The following PITPNM2 variants were observed in gnomAD, a reference collection of about 807,000 sequenced individuals.
PITPNM2 encodes the protein membrane-associated phosphatidylinositol transfer protein 2.
In PITPNM2, 35 loss-of-function variants were observed where a neutral mutation model predicts 132.2. The observed-to-expected ratio is 0.26, with a 90% CI of 0.20 to 0.35. The LOEUF (loss-of-function observed/expected upper bound fraction) is 0.35, where lower values mean the gene tolerates loss of function less well. Among genes scored for constraint, PITPNM2 ranks in the 10% least tolerant of loss-of-function variants. PITPNM2 has a pLI of 1.00. For missense variants in PITPNM2, 1,332 were observed against 1,912.0 expected (o/e 0.70, Z 5.66); for synonymous variants, 738 against 799.2 (o/e 0.92, Z 1.29).
At chr12:123,129,469 C>T (rs2043216212) in intron 1 of PITPNM2, among the ~76,000 whole-genome samples, 3 of 151,622 alleles carry the variant, frequency 2.0e-5, no homozygotes, top group African/African-American at 7.3e-5. Flanking sequence ...ACTCAGGAGG[C>T]TGAGGCAGAA....
intron 2 of PITPNM2, among the ~76,000 whole-genome samples, chr12:123,051,141 C>T (rs2040842929): frequency 6.6e-6 from 1 of 152,210 alleles, no homozygotes; most frequent in South Asian, 2.1e-4. Flanking sequence ...TTGTCCTAGG[C>T]CTCTCAGTTC....
chr12:122,994,934 G>A lies in PITPNM2; in HGVS notation c.2100C>T (p.Ser700=). 1.2e-6 allele frequency: 2 copies of A among 1,611,446 alleles called. No homozygotes were observed. Among genetic ancestry groups the A allele is most frequent in the Non-Finnish European group, 1.7e-6 (2 of 1,179,716 alleles). ...TGCCATCCAGCATGGTGGAGCTGCT[G>A]GAATGGCGTGAGCAGGGCTCAGTCC... The part of the protein sequence containing the change: ...VLRTEPCSRH[S]SSSTMLDGTG... The change falls in exon 15 of 26, where the codon TCC becomes TCT. Residue 700 remains serine, a synonymous_variant. Coordinates refer to ENST00000320201, the MANE Select transcript of PITPNM2 (RefSeq NM_020845.3). This position sits in a 1 kb window ranked among gnomAD's most constrained non-coding sequence, Gnocchi z 5.4.
At chr12:123,054,079 T>A (rs2040945557) in intron 2 of PITPNM2, among the ~76,000 whole-genome samples, 1 of 152,188 alleles carries the variant, frequency 6.6e-6, no homozygotes, top group South Asian at 2.1e-4. Flanking sequence ...ATTTTTCACT[T>A]GCTATATCAT....
chr12:123,001,646 T>C (rs2038684564), intron 8 of PITPNM2, among the ~76,000 whole-genome samples: 1 of 152,258 alleles, frequency 6.6e-6, no homozygotes, highest in African/African-American at 2.4e-5. Flanking sequence ...AGATGCTTCA[T>C]TCCGTTTTAT....
intron 8 of PITPNM2, among the ~76,000 whole-genome samples, chr12:123,001,445 T>TACCC (rs1566239753): frequency 6.6e-6 from 1 of 152,260 alleles, no homozygotes; most frequent in African/African-American, 2.4e-5. Flanking sequence ...GGGAGCCTCA[T>TACCC]ACCCGGGAGC....
chr12:123,022,849 C>A lies in PITPNM2; in HGVS notation c.79-8807G>T, dbSNP rs2039722522. 6.6e-6 allele frequency among the ~76,000 whole-genome samples: 1 copy of A among 151,768 alleles called. No homozygotes were observed. The highest frequency in any genetic ancestry group is 6.6e-5 in the Admixed American group (1 of 15,240). ...GGGAGGTCTGTTCCTGAAGGAGGGG[C>A]ACCGGCCAGATGCCACATCTACACT... On this transcript the variant is annotated intron_variant, in intron 3 of 25. Transcript: ENST00000320201. The surrounding 1 kb of genome is among the most constrained non-coding windows in gnomAD (Gnocchi z 4.9).
Position 123,005,459 on chromosome 12 carries a change from G to C in PITPNM2, c.733C>G (p.Leu245Val). The C allele has an allele frequency of 6.2e-7, 1 of 1,614,070 alleles. No homozygotes were observed. Among genetic ancestry groups the C allele is most frequent in the Non-Finnish European group, 8.5e-7 (1 of 1,180,026 alleles). ...AGCATGAGCTGTGCCTCCTTCTCCA[G>C]CTCCCGGATGTTCTCCATGCTCAGC... ...YGLSMENIRE[L>V]EKEAQLMLSR... Residue 245 changes from leucine to valine, a missense_variant, in exon 7 of 26, where the codon CTG becomes GTG. Physicochemically the swap from Leu to Val is conservative, Grantham distance 32 (BLOSUM62 1). Transcript: ENST00000320201. The surrounding 1 kb of genome is among the most constrained non-coding windows in gnomAD (Gnocchi z 6.2).
At chr12:123,133,783 T>A (rs981510764) in intron 1 of PITPNM2, among the ~76,000 whole-genome samples, 1 of 142,344 alleles carries the variant, frequency 7.0e-6, no homozygotes, top group African/African-American at 2.6e-5. Flanking sequence ...GCATCACAAT[T>A]ATTAATGAAC....
intron 1 of PITPNM2, among the ~76,000 whole-genome samples, chr12:123,143,714 G>A (rs2043554242): frequency 6.6e-6 from 1 of 152,152 alleles, no homozygotes; most frequent in Non-Finnish European, 1.5e-5. Flanking sequence ...GAAAGTACAG[G>A]GTCCCTCCTA....
At position 123,000,678 on chromosome 12, in the gene PITPNM2, G is replaced by T; in HGVS notation, c.1224+100C>A. 7.5e-7 allele frequency: 1 copy of T among 1,328,928 alleles called. No homozygotes were observed. Among genetic ancestry groups the T allele is most frequent in the South Asian group, 1.3e-5 (1 of 77,982 alleles). The allele number at this position is 1,328,928 out of a possible 1,614,324, so 82.3% of individuals were successfully genotyped here. The stretch of plus-strand genomic sequence containing the variant: ...GGCAGGCGTGGAGGTGAGGCTGCCA[G>T]GCCCAGAGTTCCACCTCTGTAACCC... On this transcript the variant is annotated intron_variant, in intron 10 of 25. Coordinates refer to ENST00000320201, the MANE Select transcript of PITPNM2 (RefSeq NM_020845.3). This position sits in a 1 kb window ranked among gnomAD's most constrained non-coding sequence, Gnocchi z 5.4.
At chr12:123,015,156 A>T (rs1453101127) in intron 3 of PITPNM2, among the ~76,000 whole-genome samples, 2 of 152,264 alleles carry the variant, frequency 1.3e-5, no homozygotes, top group Non-Finnish European at 2.9e-5. Context: ...AAATCCCAGC[A>T]GCTTTATTTG....
chr12:123,008,019 C>T lies in PITPNM2; in HGVS notation c.643+1831G>A, dbSNP rs138963295. Among the ~76,000 whole-genome samples, 106 of 152,352 alleles carry T rather than the reference C, an allele frequency of 7.0e-4. No individual in the cohort carries two copies. The highest frequency in any genetic ancestry group is 2.3e-3 in the African/African-American group (97 of 41,580). ...ATCTTCAGTTCTGAACCCACGGTCT[C>T]GGCCCACAACAGTCCGATAGGATCG... On this transcript the variant is annotated intron_variant, in intron 6 of 25. Coordinates refer to ENST00000320201, the MANE Select transcript of PITPNM2 (RefSeq NM_020845.3). The surrounding 1 kb of genome is among the most constrained non-coding windows in gnomAD (Gnocchi z 4.1).
At chr12:123,121,669 C>A (rs894173764) in intron 1 of PITPNM2, among the ~76,000 whole-genome samples, 4 of 151,938 alleles carry the variant, frequency 2.6e-5, no homozygotes, top group African/African-American at 9.7e-5. Flanking sequence ...CCTCAGCCTC[C>A]TGAGTAGGTG....
chr12:123,102,095 C>A (rs2042576837), intron 2 of PITPNM2, among the ~76,000 whole-genome samples: 1 of 152,210 alleles, frequency 6.6e-6, no homozygotes, highest in Non-Finnish European at 1.5e-5. Context: ...TCAGTTGTCA[C>A]AGAACTCTGC....
intron 1 of PITPNM2, among the ~76,000 whole-genome samples, chr12:123,118,552 A>AGTG (rs1295373281): frequency 1.3e-5 from 2 of 152,230 alleles, no homozygotes; most frequent in Non-Finnish European, 2.9e-5. Context: ...TCTTCCCAAT[A>AGTG]GTGGAAAACA....
In PITPNM2 at chr12:123,001,104, G is replaced by T. The variant is rs1295563288; in HGVS notation, c.1103C>A (p.Ser368Tyr). ...MFPKDITKWS[S>Y]NDLMDKIESP... ...CTCGATCTTGTCCATGAGGTCATTGGAGCTCCACTTGGTGATGTCCTTGGG... is the reference window on the plus strand; with the variant it reads ...CTCGATCTTGTCCATGAGGTCATTGTAGCTCCACTTGGTGATGTCCTTGGG... Residue 368 changes from serine to tyrosine, a missense_variant, in exon 9 of 26, where the codon TCC becomes TAC. Transcript: ENST00000320201. 3.7e-6 allele frequency: 6 copies of T among 1,614,208 alleles called. No homozygotes were observed. Among genetic ancestry groups the T allele is most frequent in the Non-Finnish European group, 5.1e-6 (6 of 1,180,042 alleles).
chr12:123,036,605 C>T lies in PITPNM2; in HGVS notation c.-95-1920G>A, dbSNP rs541687902. Among the ~76,000 whole-genome samples, 111 of 152,306 alleles carry T rather than the reference C, an allele frequency of 7.3e-4. 1 individual carries two copies. The highest frequency in any genetic ancestry group is 2.6e-3 in the African/African-American group (108 of 41,564). On this transcript the variant is annotated intron_variant, in intron 2 of 25. Transcript: ENST00000320201. The surrounding 1 kb of genome is among the most constrained non-coding windows in gnomAD (Gnocchi z 4.1). ...TTTTTAGCCGATTAGAGCCTAGATA[C>T]TTTATATACCCCAGAAACTGCACCC...
chr12:123,140,615 T>C (rs2043485355), intron 1 of PITPNM2, among the ~76,000 whole-genome samples: 1 of 152,108 alleles, frequency 6.6e-6, no homozygotes, highest in African/African-American at 2.4e-5. Flanking sequence ...AGGGATCTGC[T>C]TGACCAGCTG....
chr12:123,137,201 T>C (rs2043401164), intron 1 of PITPNM2, among the ~76,000 whole-genome samples: 1 of 152,146 alleles, frequency 6.6e-6, no homozygotes, highest in Admixed American at 6.5e-5. Context: ...CAGGAGGCTA[T>C]GTGTCTCGTG....
Sources: allele counts gnomAD v4.1 joint callset (sites outside exome capture counted in the v4.1 genomes callset), GRCh38; gene constraint gnomAD v4.1.1; non-coding constraint Gnocchi (gnomAD v3.1); transcripts MANE v1.5; gene names NCBI Gene and HGNC (gene_info 2026-07-23, HGNC 2026-07-21).